LRRK2: variants seen among roughly 807,000 people sequenced by gnomAD.
LRRK2 encodes the protein leucine rich repeat kinase 2.
LRRK2 carries 203 observed loss-of-function variants against 302.6 expected under a neutral mutation model. That is an observed-to-expected ratio of 0.67 (90% confidence interval 0.60 to 0.75). The LOEUF is 0.75. LRRK2 is among the 30% of genes least tolerant of loss of function. The pLI, the probability that LRRK2 is intolerant of heterozygous loss-of-function variation, is 0.00. For synonymous variants in LRRK2, 1,066 were observed against 1,031.9 expected, an observed-to-expected ratio of 1.03 and a Z score of -0.63; for missense variants, 2,830 against 2,951.0, an observed-to-expected ratio of 0.96 and a Z score of 0.95.
chr12:40,317,881 C>T (rs1260610208), intron 33 of LRRK2, among the ~76,000 whole-genome samples: 1 of 152,036 alleles, frequency 6.6e-6, no homozygotes, highest in Non-Finnish European at 1.5e-5. Flanking sequence ...ATTTCTCGTT[C>T]TTCTGTGGCT....
intron 31 of LRRK2, chr12:40,312,584 A>C (rs1052036385): frequency 2.0e-5 from 3 of 152,094 alleles, no homozygotes; most frequent in African/African-American, 7.2e-5. Flanking sequence ...GTGTCTGTGC[A>C]GACACTTTTA....
At chr12:40,348,142 C>A (rs964755559) in intron 42 of LRRK2, among the ~76,000 whole-genome samples, 19 of 151,998 alleles carry the variant, frequency 1.3e-4, no homozygotes, top group Non-Finnish European at 2.4e-4. Context: ...ATTTGAAATG[C>A]AGGTACAGAA....
rs12320863 is a variant in LRRK2 at position 40,277,616 on chromosome 12, C to A, written c.1942-272C>A. Among the ~76,000 whole-genome samples, 3,179 of 152,204 alleles carry A rather than the reference C, an allele frequency of 0.021. 114 individuals are homozygous for A. The highest frequency in any genetic ancestry group is 0.071 in the African/African-American group (2,930 of 41,514). On this transcript the variant is annotated intron_variant, in intron 16 of 50. Coordinates refer to ENST00000298910, the MANE Select transcript of LRRK2 (RefSeq NM_198578.4). ...GCTTTAGACAAGCATCTTTGAAAAC[C>A]AAATTTGAGGGTATTAGTTCTTTTT...
intron 30 of LRRK2, among the ~76,000 whole-genome samples, chr12:40,309,682 G>T (rs1390078214): frequency 6.6e-6 from 1 of 151,876 alleles, no homozygotes; most frequent in Non-Finnish European, 1.5e-5. Flanking sequence ...TGTTACATCT[G>T]GAATCTCCCT....
At chr12:40,357,556 A>C (rs1329151092) in intron 46 of LRRK2, among the ~76,000 whole-genome samples, 1 of 152,134 alleles carries the variant, frequency 6.6e-6, no homozygotes, top group Non-Finnish European at 1.5e-5. Flanking sequence ...TTACATACAC[A>C]CCAATAGCAT....
intron 26 of LRRK2, 71 bp downstream of exon 26, chr12:40,302,953 T>C: frequency 9.4e-7 from 1 of 1,067,906 alleles, no homozygotes; most frequent in Non-Finnish European, 1.5e-6. Context: ...ATGATTTCGA[T>C]TTAGTCATAT....
chr12:40,348,318 T>C, intron 42 of LRRK2, 91 bp from the exon 43 acceptor site: 1 of 845,214 alleles, frequency 1.2e-6, no homozygotes. Flanking sequence ...TATTTTTCTT[T>C]GCAATGTCTG....
chr12:40,346,239 T>C (rs541465084), intron 41 of LRRK2, among the ~76,000 whole-genome samples: 11 of 151,992 alleles, frequency 7.2e-5, no homozygotes, highest in African/African-American at 2.7e-4. Flanking sequence ...ATTTTTTGGG[T>C]AGAAGGAGCA....
In LRRK2 at chr12:40,244,668, T is replaced by C. The variant is rs145231776; in HGVS notation, c.838+987T>C. 3.6e-3 allele frequency among the ~76,000 whole-genome samples: 535 copies of C among 148,014 alleles called. 3 individuals carry two copies. Among genetic ancestry groups the C allele is most frequent in the Middle Eastern group, 0.031 (9 of 286 alleles). On this transcript the variant is annotated intron_variant, in intron 7 of 50. Coordinates refer to ENST00000298910, the MANE Select transcript of LRRK2 (RefSeq NM_198578.4). ...GATTCATAGATTCTGGATAATAATG[T>C]TTTGGTGGTAGGTTATACGTATTGA...
chr12:40,259,556 C>A lies in LRRK2; in HGVS notation c.1495C>A (p.Pro499Thr). The A allele has an allele frequency of 1.9e-6, 3 of 1,613,348 alleles. No individual in the cohort carries two copies. Among genetic ancestry groups the A allele is most frequent in the Non-Finnish European group, 2.5e-6 (3 of 1,179,472 alleles). The change falls in exon 13 of 51, where the codon CCA (proline) becomes ACA (threonine). Residue 499 changes from proline to threonine, a missense_variant. By Grantham distance (38) the Pro-to-Thr change is conservative (BLOSUM62 -1). This residue lies in a region of LRRK2 where 2,121 missense variants were observed against 2,148.0 expected (regional missense o/e 0.99). Transcript: ENST00000298910. ...TVMKRHETSL[P>T]VQLEALRAIL... ...TATGAAACGTCATGAGACATCATTA[C>A]CAGTGCAGCTGGAGGCGCTTCGAGC...
At chr12:40,307,049 A>G (rs1047249268) in intron 28 of LRRK2, among the ~76,000 whole-genome samples, 1 of 150,888 alleles carries the variant, frequency 6.6e-6, no homozygotes, top group African/African-American at 2.4e-5. Context: ...TATTTTTAAT[A>G]TTTAATATTT....
At chr12:40,329,743 A>G (rs12322674) in intron 39 of LRRK2, among the ~76,000 whole-genome samples, 2,857 of 152,216 alleles carry the variant, frequency 0.019, 95 homozygotes, top group African/African-American at 0.063. Context: ...TGATTTAAAA[A>G]AAAATTTGTT....
At chr12:40,328,531 C>G in intron 39 of LRRK2, 71 bp downstream of exon 39, 1 of 1,217,918 alleles carries the variant, frequency 8.2e-7, no homozygotes, top group Admixed American at 2.0e-5. Flanking sequence ...ATTTTGCATA[C>G]AGTTGTGAAA....
At chr12:40,254,801 C>T (rs1004792560) in intron 11 of LRRK2, among the ~76,000 whole-genome samples, 4 of 152,116 alleles carry the variant, frequency 2.6e-5, no homozygotes, top group African/African-American at 9.7e-5. Context: ...CTTCTTTGTT[C>T]CTGATCACCT....
chr12:40,257,437 T>C (rs1942570111), intron 12 of LRRK2, 60 bp downstream of exon 12: 1 of 1,552,974 alleles, frequency 6.4e-7, no homozygotes, highest in Admixed American at 1.7e-5. Flanking sequence ...AGAATATCAA[T>C]ATTTCAAGCA....
At chr12:40,246,104 A>T (rs555585486) in intron 7 of LRRK2, among the ~76,000 whole-genome samples, 9 of 152,000 alleles carry the variant, frequency 5.9e-5, no homozygotes, top group East Asian at 3.9e-4. Flanking sequence ...TTAAACTTTT[A>T]AAAAAAATTT....
chr12:40,332,582 T>A (rs1945743099), intron 39 of LRRK2, among the ~76,000 whole-genome samples: 4 of 152,212 alleles, frequency 2.6e-5, no homozygotes, highest in Admixed American at 2.6e-4. Context: ...AATACATAGT[T>A]ATAATATTTT....
At chr12:40,255,941 T>C (rs988962348) in intron 11 of LRRK2, among the ~76,000 whole-genome samples, 2 of 152,214 alleles carry the variant, frequency 1.3e-5, no homozygotes, top group African/African-American at 4.8e-5. Flanking sequence ...TTTATTTCCA[T>C]GTTTTGTCCT....
chr12:40,352,973 G>A (rs1330290362), intron 44 of LRRK2, among the ~76,000 whole-genome samples: 4 of 152,222 alleles, frequency 2.6e-5, no homozygotes, highest in African/African-American at 4.8e-5. Context: ...TGAGCTGCTG[G>A]GTACACCTCC....
Sources: gnomAD v4.1 joint callset for allele counts (sites outside exome capture counted in the v4.1 genomes callset) on GRCh38, gnomAD v4.1.1 for gene constraint, gnomAD v4.1.1 regional missense constraint, MANE v1.5 for transcripts, NCBI Gene and HGNC (gene_info 2026-07-23, HGNC 2026-07-21) for gene names.